HEPH: variants seen among roughly 807,000 people sequenced by gnomAD.
The protein encoded by HEPH is hephaestin.
Under a neutral mutation model 80.8 loss-of-function variants are expected in HEPH, and 69 were observed. The ratio of observed to expected loss-of-function variants is 0.85; its 90% CI spans 0.70 to 1.04. HEPH has a LOEUF of 1.04. Ranked by LOEUF, HEPH falls within the 50% of genes least tolerant of loss-of-function variation. The probability of loss-of-function intolerance (pLI) is 0.00; values close to 1 mark genes in which losing one functional copy is unlikely to be tolerated. For synonymous variants in HEPH, 431 were observed against 322.8 expected, an observed-to-expected ratio of 1.34 and a Z score of -3.60; for missense variants, 1,115 against 891.3, an observed-to-expected ratio of 1.25 and a Z score of -3.20.
At chrX:66,197,165 TAC>T (rs1341879321) in intron 9 of HEPH, among the ~76,000 whole-genome samples, 3 of 110,575 alleles carry the variant, frequency 2.7e-5, no homozygotes, top group African/African-American at 9.9e-5. Flanking sequence ...TTTTAGAAAT[TAC>T]AGCCTTAGTG....
intron 15 of HEPH, among the ~76,000 whole-genome samples, chrX:66,241,066 A>C (rs993104622): frequency 8.9e-6 from 1 of 111,920 alleles, no homozygotes; most frequent in Non-Finnish European, 1.9e-5. Flanking sequence ...TGTTAAGGGA[A>C]TTCATTACCA....
At chrX:66,169,837 T>C (rs1009262524) in intron 1 of HEPH, 8 of 111,897 alleles carry the variant, frequency 7.1e-5, no homozygotes, top group Admixed American at 6.7e-4. Context: ...TTATCCTTAC[T>C]TCTACCAGCA....
chrX:66,173,565 G>A (rs199763124), intron 3 of HEPH, 24 bp from the exon 4 acceptor site: 62 of 1,130,418 alleles, frequency 5.5e-5, no homozygotes, highest in Admixed American at 1.6e-4. Context: ...TTCTGGGCCT[G>A]TGCATGTACA....
At chrX:66,228,707 G>C (rs2089994237) in intron 15 of HEPH, among the ~76,000 whole-genome samples, 2 of 111,537 alleles carry the variant, frequency 1.8e-5, no homozygotes, top group African/African-American at 6.5e-5. Context: ...ATCAAAATGT[G>C]GGCTAAGGAC....
chrX:66,224,793 G>A (rs1384711710), intron 15 of HEPH, among the ~76,000 whole-genome samples: 2 of 111,067 alleles, frequency 1.8e-5, no homozygotes, highest in Non-Finnish European at 3.8e-5. Flanking sequence ...AAGGAATAGG[G>A]TACACTTTTT....
intron 15 of HEPH, among the ~76,000 whole-genome samples, chrX:66,236,746 C>CT (rs914315799): frequency 6.3e-5 from 7 of 110,857 alleles, no homozygotes; most frequent in Non-Finnish European, 9.5e-5. Context: ...GTCCTGTGCT[C>CT]TTTTTTTATG....
intron 2 of HEPH, among the ~76,000 whole-genome samples, chrX:66,171,862 A>G (rs1197219693): frequency 2.7e-5 from 3 of 111,001 alleles, no homozygotes; most frequent in Non-Finnish European, 3.8e-5. Flanking sequence ...TTTCCATTCC[A>G]TTTTACAGAT....
Position 66,255,149 on chromosome X carries a change from C to T in HEPH, c.2670+8C>T, listed in dbSNP as rs771450388. The T allele has an allele frequency of 2.6e-6, 3 of 1,150,285 alleles. No homozygotes were observed. Among genetic ancestry groups the T allele is most frequent in the South Asian group, 1.9e-5 (1 of 53,090 alleles). 94.8% of individuals were successfully genotyped at this position (1,150,285 alleles called of 1,213,427 possible). A position where few individuals can be genotyped will look rare whatever the true frequency, so the allele number is the denominator to read the frequency against. ...GCAGTGGATCCCATCAAGGTAAATA[C>T]AAGATTGGCTACCTGGAGGTGGGTC... On this transcript the variant is annotated splice_region_variant and intron_variant, in intron 16 of 20. Transcript: ENST00000343002.
chrX:66,192,755 C>G (rs2087876342), intron 7 of HEPH, among the ~76,000 whole-genome samples: 1 of 111,704 alleles, frequency 9.0e-6, no homozygotes, highest in Admixed American at 9.5e-5. Context: ...AGAGAGGCAG[C>G]CTGCTTTTTG....
intron 9 of HEPH, among the ~76,000 whole-genome samples, chrX:66,196,462 T>C (rs1452361577): frequency 1.8e-5 from 2 of 112,280 alleles, no homozygotes; most frequent in African/African-American, 3.2e-5. Context: ...CCATCCTAAA[T>C]TATAGCCCCT....
At chrX:66,219,674 A>C (rs973720455) in intron 15 of HEPH, among the ~76,000 whole-genome samples, 1 of 111,536 alleles carries the variant, frequency 9.0e-6, no homozygotes, top group Non-Finnish European at 1.9e-5. Flanking sequence ...TCATCTTTTA[A>C]ATTTTCTATA....
intron 15 of HEPH, among the ~76,000 whole-genome samples, chrX:66,232,797 T>C (rs2090204367): frequency 9.0e-6 from 1 of 111,029 alleles, no homozygotes; most frequent in Admixed American, 9.6e-5. Context: ...TATGGTATAT[T>C]CTATCAGTAA....
intron 15 of HEPH, among the ~76,000 whole-genome samples, chrX:66,238,887 G>A (rs1275970545): frequency 6.2e-5 from 7 of 112,407 alleles, no homozygotes; most frequent in African/African-American, 1.9e-4. Context: ...GAAGGAATGG[G>A]CCAAAATAAA....
chrX:66,231,323 G>T (rs2090129394), intron 15 of HEPH, among the ~76,000 whole-genome samples: 1 of 106,218 alleles, frequency 9.4e-6, no homozygotes, highest in African/African-American at 3.5e-5. Context: ...GAAAGTCATT[G>T]GTAGCTTGAT....
In HEPH at chrX:66,203,819, C is replaced by T. The variant is rs769754781; in HGVS notation, c.2291+242C>T. Among the ~76,000 whole-genome samples, 22 of 111,446 alleles carry T rather than the reference C, an allele frequency of 2.0e-4. No homozygotes were observed. In the Admixed American group the frequency reaches 2.0e-3, roughly 10 times the overall value. ...CTCTTAATCTTTGTCTCTCTTCTTTCAGTTAGCTGGAAGTATTTACCCTGG... is the reference window on the plus strand; with the variant it reads ...CTCTTAATCTTTGTCTCTCTTCTTTTAGTTAGCTGGAAGTATTTACCCTGG... On this transcript the variant is annotated intron_variant, in intron 13 of 20. Coordinates refer to ENST00000343002, the MANE Select transcript of HEPH (RefSeq NM_001367233.3).
intron 15 of HEPH, among the ~76,000 whole-genome samples, chrX:66,222,497 T>C (rs903303254): frequency 8.9e-5 from 10 of 112,329 alleles, no homozygotes; most frequent in Admixed American, 3.8e-4. Flanking sequence ...GCTGTCTTAA[T>C]TGCCAAAGTT....
intron 9 of HEPH, among the ~76,000 whole-genome samples, chrX:66,197,471 G>A (rs2088165336): frequency 9.0e-6 from 1 of 111,449 alleles, no homozygotes; most frequent in Non-Finnish European, 1.9e-5. Context: ...AGATTAAATT[G>A]CTGCATTTCA....
chrX:66,228,197 T>C (rs990110447), intron 15 of HEPH, among the ~76,000 whole-genome samples: 1 of 112,023 alleles, frequency 8.9e-6, no homozygotes, highest in Non-Finnish European at 1.9e-5. Context: ...TTTCCTCTTA[T>C]AAAACCATCA....
intron 15 of HEPH, among the ~76,000 whole-genome samples, chrX:66,231,121 G>T (rs1185003837): frequency 9.1e-6 from 1 of 109,640 alleles, no homozygotes; most frequent in Non-Finnish European, 1.9e-5. Flanking sequence ...GCTCTGTTCT[G>T]TTCCATTGAT....
Sources: allele counts gnomAD v4.1 joint callset (sites outside exome capture counted in the v4.1 genomes callset), GRCh38; gene constraint gnomAD v4.1.1; transcripts MANE v1.5; gene names NCBI Gene and HGNC (gene_info 2026-07-23, HGNC 2026-07-21).